The following ZFYVE26 variants were observed in gnomAD, a reference collection of about 807,000 sequenced individuals.
ZFYVE26 encodes zinc finger FYVE-type containing 26, also known as zinc finger FYVE domain-containing protein 26.
ZFYVE26 carries 181 observed loss-of-function variants against 276.5 expected under a neutral mutation model. The observed-to-expected ratio is 0.65, with a 90% CI of 0.58 to 0.74. ZFYVE26 has a LOEUF of 0.74. ZFYVE26 is among the 30% of genes least tolerant of loss of function. The pLI, the probability that ZFYVE26 is intolerant of heterozygous loss-of-function variation, is 0.00. For synonymous variants in ZFYVE26, 1,129 were observed against 1,203.1 expected, an observed-to-expected ratio of 0.94 and a Z score of 1.27; for missense variants, 2,821 against 3,097.9, an observed-to-expected ratio of 0.91 and a Z score of 2.12.
At chr14:67,750,758 C>A in intron 41 of ZFYVE26, 1 of 473,022 alleles carries the variant, frequency 2.1e-6, no homozygotes, top group Non-Finnish European at 3.9e-6. Flanking sequence ...TTTCCTAGGG[C>A]TCTCTGAGAG....
chr14:67,767,369 G>T (rs188899804), intron 31 of ZFYVE26, among the ~76,000 whole-genome samples: 2 of 152,008 alleles, frequency 1.3e-5, no homozygotes, highest in Admixed American at 1.3e-4. Flanking sequence ...TTTTGGACAC[G>T]GTGTCTTTGC....
intron 32 of ZFYVE26, among the ~76,000 whole-genome samples, 153 bp from the exon 33 acceptor site, chr14:67,762,972 G>A (rs376865417): frequency 2.0e-5 from 3 of 152,122 alleles, no homozygotes; most frequent in Admixed American, 6.5e-5. Context: ...GTCCGATCTC[G>A]GCTCACTGCA....
chr14:67,794,953 A>T (rs946316748), intron 12 of ZFYVE26, among the ~76,000 whole-genome samples: 13 of 151,946 alleles, frequency 8.6e-5, no homozygotes, highest in African/African-American at 2.2e-4. Flanking sequence ...TATCTGTATT[A>T]AAAAAAATGT....
chr14:67,736,301 G>A lies in ZFYVE26; in HGVS notation n.2680-6482C>T, dbSNP rs534922999. 1.1e-4 allele frequency among the ~76,000 whole-genome samples: 16 copies of A among 152,296 alleles called. No homozygotes were observed. The South Asian group carries it at 3.3e-3, about 32-fold the overall frequency. On this transcript the variant is annotated intron_variant and non_coding_transcript_variant, in intron 13 of 14. Coordinates refer to the ZFYVE26 transcript ENST00000394455. ...GCATTCAACTGTAGTTGGGTATTGG[G>A]TATTGAAACGTCTCTTCTACGGCTA...
intron 28 of ZFYVE26, 83 bp from the exon 29 acceptor site, chr14:67,769,813 T>C: frequency 6.3e-6 from 10 of 1,577,864 alleles, no homozygotes; most frequent in Admixed American, 1.7e-5. Context: ...TGGTATTAAC[T>C]ACCAGTGGCT....
At position 67,776,091 on chromosome 14, in the gene ZFYVE26, G is replaced by C; in HGVS notation, c.4990C>G (p.Pro1664Ala). 6.2e-7 allele frequency: 1 copy of C among 1,614,190 alleles called. No individual in the cohort carries two copies. ...YVGSKILLTL[P>A]EQHRASYSHL... ...GAATAGCTGGCCCGGTGCTGCTCAG[G>C]CAGGGTCAGCAGAATCTGTTTGTGG... The change falls in exon 26 of 42, where the codon CCT becomes GCT. Residue 1664 changes from proline to alanine, a missense_variant. By Grantham distance (27) the Pro-to-Ala change is conservative. Transcript: ENST00000347230.
chr14:67,798,877 GCCTTTTGGCCA>G (rs1004296892), intron 10 of ZFYVE26: 125 of 874,682 alleles, frequency 1.4e-4, no homozygotes, highest in Non-Finnish European at 2.0e-4. Context: ...GGCCTCCCCA[GCCTTTTGGCCA>G]CCAGGCCCCG....
chr14:67,768,472 T>G lies in ZFYVE26; in HGVS notation c.5653+45A>C, dbSNP rs752082310. ...TGATATGCTGAAGATAGAGTCAACT[T>G]AAGTACACAAATGAAGAGTCACAGA... On this transcript the variant is annotated intron_variant, in intron 30 of 41. Coordinates refer to ENST00000347230, the MANE Select transcript of ZFYVE26 (RefSeq NM_015346.4). The G allele has an allele frequency of 2.5e-6, 4 of 1,605,558 alleles. No individual in the cohort carries two copies. The East Asian group carries it at 8.9e-5, about 36-fold the overall frequency.
intron 14 of ZFYVE26, among the ~76,000 whole-genome samples, chr14:67,793,310 G>C (rs1209243818): frequency 6.6e-6 from 1 of 152,186 alleles, no homozygotes; most frequent in East Asian, 1.9e-4. Context: ...TATATGTTCA[G>C]AGAAGGAGTC....
chr14:67,776,984 G>A (rs973363156), intron 25 of ZFYVE26, among the ~76,000 whole-genome samples: 4 of 152,200 alleles, frequency 2.6e-5, no homozygotes, highest in Admixed American at 2.6e-4. Flanking sequence ...CTAGCTGGAG[G>A]TTTCTTCTAT....
At chr14:67,761,615 G>GA (rs754873839) in intron 34 of ZFYVE26, 31 bp from the exon 35 acceptor site, 4 of 1,600,854 alleles carry the variant, frequency 2.5e-6, no homozygotes, top group Non-Finnish European at 3.4e-6. Flanking sequence ...AGAGAAAAAT[G>GA]AAACTCAAAA....
In ZFYVE26 at chr14:67,783,178, G is replaced by A. The variant is rs747346400; in HGVS notation, c.3974C>T (p.Pro1325Leu). 16 of 1,609,708 alleles carry A rather than the reference G, an allele frequency of 9.9e-6. No individual in the cohort carries two copies. The highest frequency in any genetic ancestry group is 2.2e-5 in the East Asian group (1 of 44,820). ...LATVACLGAS[P>L]RLKVSKPSLS... The stretch of plus-strand genomic sequence containing the variant: ...GCTGGGTTTGCTGACCTTTAACCTC[G>A]GGGAAGCCCCCAGGCAGGCCACCGT... The change falls in exon 21 of 42, where the codon CCG becomes CTG. Residue 1325 changes from proline (P) to leucine (L), a missense_variant. Coordinates refer to ENST00000347230, the MANE Select transcript of ZFYVE26 (RefSeq NM_015346.4).
chr14:67,755,037 G>A lies in ZFYVE26; in HGVS notation c.6986+14C>T, dbSNP rs200999775. 9.3e-6 allele frequency: 15 copies of A among 1,613,370 alleles called. No individual in the cohort carries two copies. The Admixed American group carries it at 1.8e-4, about 20-fold the overall frequency. ...TTCTGCCCCACACCAATAGTCCCCT[G>A]AACCTCCAGCTACCTTGACACATCA... On this transcript the variant is annotated intron_variant, in intron 37 of 41. Transcript: ENST00000347230.
At chr14:67,784,726 A>C (rs2140225847) in intron 19 of ZFYVE26, among the ~76,000 whole-genome samples, 1 of 152,272 alleles carries the variant, frequency 6.6e-6, no homozygotes, top group South Asian at 2.1e-4. Flanking sequence ...TGCATGTAGT[A>C]CTCACTCTGT....
At chr14:67,761,209 T>G in intron 35 of ZFYVE26, 157 bp downstream of exon 35, 1 of 743,036 alleles carries the variant, frequency 1.3e-6, no homozygotes, top group Non-Finnish European at 2.4e-6. Flanking sequence ...ATAACAGTTG[T>G]GCAGAGTCCC....
Position 67,775,073 on chromosome 14 carries a change from C to G in ZFYVE26, c.5263G>C (p.Asp1755His). 6.2e-7 allele frequency: 1 copy of G among 1,612,872 alleles called. No homozygotes were observed. Among genetic ancestry groups the G allele is most frequent in the South Asian group, 1.1e-5 (1 of 90,564 alleles). ...HLQEIVHQAA[D>H]PETLPRSPSA... Reference sequence around the variant, plus strand: ...GGTGATCTAGGGAGGGTCTCGGGATCTGCAGCCTGGTGGACAATTTCTTGG... The same window carrying G: ...GGTGATCTAGGGAGGGTCTCGGGATGTGCAGCCTGGTGGACAATTTCTTGG... The change falls in exon 27 of 42, where the codon GAT becomes CAT. Residue 1755 changes from aspartate (D) to histidine (H), a missense_variant. Coordinates refer to ENST00000347230, the MANE Select transcript of ZFYVE26 (RefSeq NM_015346.4).
At chr14:67,767,329 A>G (rs2039085466) in intron 31 of ZFYVE26, among the ~76,000 whole-genome samples, 1 of 152,112 alleles carries the variant, frequency 6.6e-6, no homozygotes, top group Non-Finnish European at 1.5e-5. Flanking sequence ...CAAATTAAAG[A>G]GCTTCCACTT....
At chr14:67,763,862 C>T (rs1258388916) in intron 32 of ZFYVE26, among the ~76,000 whole-genome samples, 1 of 152,150 alleles carries the variant, frequency 6.6e-6, no homozygotes. Flanking sequence ...TTACAAGTGA[C>T]CCATCTGCTT....
intron 3 of ZFYVE26, among the ~76,000 whole-genome samples, chr14:67,809,929 C>T (rs577074672): frequency 2.4e-4 from 36 of 151,914 alleles, no homozygotes; most frequent in African/African-American, 6.5e-4. Flanking sequence ...GGACTATAGG[C>T]GTGTGCCACC....
Sources: allele counts gnomAD v4.1 joint callset (sites outside exome capture counted in the v4.1 genomes callset), GRCh38; gene constraint gnomAD v4.1.1; transcripts MANE v1.5; gene names NCBI Gene and HGNC (gene_info 2026-07-23, HGNC 2026-07-21).